FAM219A: variants seen among roughly 807,000 people sequenced by gnomAD.
The protein encoded by FAM219A is family with sequence similarity 219 member A, also known as protein FAM219A.
Under a neutral mutation model 23.4 loss-of-function variants are expected in FAM219A, and 7 were observed. That is an observed-to-expected ratio of 0.30 (90% confidence interval 0.17 to 0.56). The LOEUF (loss-of-function observed/expected upper bound fraction) is 0.56. Ranked by LOEUF, FAM219A falls within the 20% of genes least tolerant of loss-of-function variation. FAM219A has a pLI of 0.92. For missense variants in FAM219A, 166 were observed against 246.9 expected, an observed-to-expected ratio of 0.67 and a Z score of 2.20; for synonymous variants, 93 against 99.0, an observed-to-expected ratio of 0.94 and a Z score of 0.36.
intron 1 of FAM219A, among the ~76,000 whole-genome samples, chr9:34,416,049 C>T (rs1401659729): frequency 1.3e-5 from 2 of 151,894 alleles, no homozygotes; most frequent in East Asian, 1.9e-4. Context: ...TGGTGGCACA[C>T]ACCTGTAGCC....
intron 1 of FAM219A, among the ~76,000 whole-genome samples, chr9:34,446,192 G>A (rs543401890): frequency 3.3e-4 from 50 of 151,428 alleles, no homozygotes; most frequent in African/African-American, 1.1e-3. Context: ...AAAAAAATGC[G>A]GGGCGGGGGG....
intron 1 of FAM219A, among the ~76,000 whole-genome samples, chr9:34,435,350 T>C (rs1822862462): frequency 6.6e-6 from 1 of 152,120 alleles, no homozygotes; most frequent in Non-Finnish European, 1.5e-5. Context: ...TTTAAAAATA[T>C]GGAAAGCATG....
At chr9:34,402,846 T>C (rs904046453) in intron 2 of FAM219A, 39 bp from the exon 3 acceptor site, 1 of 1,594,868 alleles carries the variant, frequency 6.3e-7, no homozygotes, top group African/African-American at 1.3e-5. Context: ...GTCCTGCCCC[T>C]GAGGCCACCC....
chr9:34,401,033 G>C lies in FAM219A; in HGVS notation c.489C>G (p.Pro163=). ...TGCACGTGGGGTTCACGGACTTGGGGGGGATGAGGTCTAGGTCCTCGTCGT... is the reference window on the plus strand; with the variant it reads ...TGCACGTGGGGTTCACGGACTTGGGCGGGATGAGGTCTAGGTCCTCGTCGT... ...IPDDEDLDLI[P]PKSVNPTCMC... Residue 163 remains proline (P), a synonymous_variant, in exon 6 of 6, where the codon CCC becomes CCG. Coordinates refer to ENST00000651358, the MANE Select transcript of FAM219A (RefSeq NM_001184940.2). The C allele has an allele frequency of 6.2e-7, 1 of 1,607,096 alleles. No homozygotes were observed.
rs1821495074 is a variant in FAM219A at position 34,402,734 on chromosome 9, G to A, written c.234C>T (p.Pro78=). Residue 78 remains proline, a synonymous_variant, in exon 3 of 6, where the codon CCC becomes CCT. Transcript: ENST00000651358. ...GSMGSPVNQQ[P]KKNNVMARTR... ...TTCGGGCCATGACATTGTTCTTCTT[G>A]GGTTGCTGGTTGACAGGGCTACCCA... 2.5e-6 allele frequency: 4 copies of A among 1,614,182 alleles called. No individual in the cohort carries two copies. The highest frequency in any genetic ancestry group is 1.7e-6 in the Non-Finnish European group (2 of 1,180,024).
intron 1 of FAM219A, among the ~76,000 whole-genome samples, chr9:34,448,553 G>C (rs1255329241): frequency 2.0e-5 from 3 of 152,186 alleles, no homozygotes; most frequent in Admixed American, 2.0e-4. Context: ...AATTATGCAG[G>C]AATGTTTCTT....
In FAM219A at chr9:34,398,337, A is replaced by C. The variant is rs1391942500; in HGVS notation, c.*2627T>G. 6.4e-7 allele frequency: 1 copy of C among 1,550,832 alleles called. No homozygotes were observed. ...TGGAAATAAATTAGTGAGCACGGAG[A>C]AACCTGGCTGGGTGGCAGCCACAGC... On this transcript the variant is annotated 3_prime_UTR_variant, in exon 6 of 6. Transcript: ENST00000651358.
chr9:34,434,570 C>T (rs10972111), intron 1 of FAM219A, among the ~76,000 whole-genome samples: 3,161 of 152,246 alleles, frequency 0.021, 93 homozygotes, highest in East Asian at 0.12. Flanking sequence ...TCCTACTTTA[C>T]CACATAAAAT....
At chr9:34,413,346 A>C (rs1180143955) in intron 1 of FAM219A, among the ~76,000 whole-genome samples, 2 of 152,196 alleles carry the variant, frequency 1.3e-5, no homozygotes, top group Non-Finnish European at 2.9e-5. Context: ...GAGTGGAAGG[A>C]GATCAGACTG....
intron 2 of FAM219A, among the ~76,000 whole-genome samples, chr9:34,403,082 C>G (rs191036830): frequency 2.0e-5 from 3 of 152,238 alleles, no homozygotes; most frequent in African/African-American, 7.2e-5. Flanking sequence ...TACTTGATGC[C>G]AGGGAAAGGC....
Position 34,398,310 on chromosome 9 carries a change from C to T in FAM219A, c.*2654G>A, listed in dbSNP as rs1242215615. 6.4e-7 allele frequency: 1 copy of T among 1,550,864 alleles called. No individual in the cohort carries two copies. The highest frequency in any genetic ancestry group is 2.4e-5 in the East Asian group (1 of 40,924). ...ACGGCTCATGTCTTCCACACACCTT[C>T]CTGGAAATAAATTAGTGAGCACGGA... On this transcript the variant is annotated 3_prime_UTR_variant, in exon 6 of 6. Coordinates refer to ENST00000651358, the MANE Select transcript of FAM219A (RefSeq NM_001184940.2).
chr9:34,416,831 A>G (rs1373857335), intron 1 of FAM219A, among the ~76,000 whole-genome samples: 1 of 64,728 alleles, frequency 1.5e-5, no homozygotes, highest in Non-Finnish European at 3.1e-5. Flanking sequence ...TTTTTTTTTT[A>G]AATAGAGGCA....
rs1554677406 is a variant in FAM219A, at chr9:34,421,009, T to TGTGA, written c.61-15046_61-15045insTCAC. On this transcript the variant is annotated intron_variant, in intron 1 of 5. Coordinates refer to ENST00000651358, the MANE Select transcript of FAM219A (RefSeq NM_001184940.2). ...GTGTGTGTATGTGTGTGTGTGTGTGTGAGAGAGAGAGAGAGAGAGAGAGAG... is the reference window on the plus strand; with the variant it reads ...GTGTGTGTATGTGTGTGTGTGTGTGTGTGAGAGAGAGAGAGAGAGAGAGAGAGAG... Among the ~76,000 whole-genome samples the TGTGA allele has an allele frequency of 1.9e-4, 16 of 86,436 alleles. No individual in the cohort carries two copies. The South Asian group carries it at 2.0e-3, about 11-fold the overall frequency. 56.7% of individuals were successfully genotyped at this position (86,436 alleles called of 152,430 possible).
intron 1 of FAM219A, among the ~76,000 whole-genome samples, chr9:34,441,393 C>A (rs1054785408): frequency 6.6e-6 from 1 of 152,178 alleles, no homozygotes; most frequent in Admixed American, 6.5e-5. Flanking sequence ...TGAGATACTG[C>A]TGTTCCAGTG....
intron 1 of FAM219A, among the ~76,000 whole-genome samples, chr9:34,448,140 G>A (rs1823435535): frequency 6.6e-6 from 1 of 152,036 alleles, no homozygotes; most frequent in African/African-American, 2.4e-5. Flanking sequence ...CTAAGCACTG[G>A]GATTACAGGC....
At chr9:34,450,646 C>T (rs570940742) in intron 1 of FAM219A, among the ~76,000 whole-genome samples, 2 of 152,234 alleles carry the variant, frequency 1.3e-5, no homozygotes, top group African/African-American at 2.4e-5. Flanking sequence ...CTTGAACTCC[C>T]GACCTGGTTA....
Position 34,417,106 on chromosome 9 carries a change from G to GTGCCCAGGCTGGT in FAM219A, c.61-11155_61-11143dup, listed in dbSNP as rs1161069608. ...TTTTTGGAGTCAGAGTCTCGCTCTG[G>GTGCCCAGGCTGGT]TGCCCAGGCTGGTTGCCCAGGCTGG... is the stretch of plus-strand genomic sequence containing the variant. On this transcript the variant is annotated intron_variant, in intron 1 of 5. Coordinates refer to ENST00000651358, the MANE Select transcript of FAM219A (RefSeq NM_001184940.2). This position sits in a 1 kb window ranked among gnomAD's most constrained non-coding sequence, Gnocchi z 4.1. Among the ~76,000 whole-genome samples the GTGCCCAGGCTGGT allele has an allele frequency of 6.6e-6, 1 of 150,970 alleles. No homozygotes were observed. The highest frequency in any genetic ancestry group is 1.5e-5 in the Non-Finnish European group (1 of 67,854).
intron 1 of FAM219A, among the ~76,000 whole-genome samples, chr9:34,415,542 C>G (rs553922652): frequency 6.6e-6 from 1 of 152,186 alleles, no homozygotes; most frequent in Non-Finnish European, 1.5e-5. Flanking sequence ...AGTTTCACCA[C>G]CTTGAGAAAA....
chr9:34,426,578 G>A (rs1170616011), intron 1 of FAM219A, among the ~76,000 whole-genome samples: 3 of 152,196 alleles, frequency 2.0e-5, no homozygotes, highest in African/African-American at 4.8e-5. Flanking sequence ...CAATGGCGCC[G>A]TTTCACTGGA....
Sources: gnomAD v4.1 joint callset for allele counts (sites outside exome capture counted in the v4.1 genomes callset) on GRCh38, gnomAD v4.1.1 for gene constraint, Gnocchi (gnomAD v3.1) non-coding constraint, MANE v1.5 for transcripts, NCBI Gene and HGNC (gene_info 2026-07-23, HGNC 2026-07-21) for gene names.